SYT1: variants seen among roughly 807,000 people sequenced by gnomAD.
SYT1 encodes the protein synaptotagmin-1.
Under a neutral mutation model 44.8 loss-of-function variants are expected in SYT1, and 8 were observed. That is an observed-to-expected ratio of 0.18 (90% confidence interval 0.10 to 0.32). SYT1 has a LOEUF of 0.32. Among genes scored for constraint, SYT1 ranks in the 10% least tolerant of loss-of-function variants. The pLI, the probability that SYT1 is intolerant of heterozygous loss-of-function variation, is 1.00. For synonymous variants in SYT1, 154 were observed against 188.8 expected, an observed-to-expected ratio of 0.82 and a Z score of 1.51; for missense variants, 286 against 509.3, an observed-to-expected ratio of 0.56 and a Z score of 4.22.
chr12:79,030,715 C>T (rs1380057376), intron 2 of SYT1, among the ~76,000 whole-genome samples: 2 of 150,964 alleles, frequency 1.3e-5, no homozygotes, highest in Non-Finnish European at 3.0e-5. Context: ...ATATAATGAA[C>T]CAATATACAT....
intron 3 of SYT1, among the ~76,000 whole-genome samples, chr12:79,150,466 CT>C (rs1164770570): frequency 6.6e-6 from 1 of 152,092 alleles, no homozygotes; most frequent in Non-Finnish European, 1.5e-5. Context: ...GGTAGTGGGA[CT>C]TTGGTCAAAG....
Position 79,224,006 on chromosome 12 carries a change from A to AT in SYT1, c.166+6327dup, listed in dbSNP as rs1387774549. Among the ~76,000 whole-genome samples the AT allele has an allele frequency of 4.6e-5, 7 of 152,016 alleles. No individual in the cohort carries two copies. The East Asian group carries it at 1.4e-3, about 29-fold the overall frequency. On this transcript the variant is annotated intron_variant, in intron 4 of 10. Coordinates refer to ENST00000261205, the MANE Select transcript of SYT1 (RefSeq NM_005639.3). Reference sequence around the variant, plus strand: ...ACTGTCCTTCCTATCTCTTCAATGCATTTTTTCTTAGTATTATGCTACTAC... The same window carrying AT: ...ACTGTCCTTCCTATCTCTTCAATGCATTTTTTTCTTAGTATTATGCTACTAC...
chr12:78,920,320 A>G (rs1876907858), intron 1 of SYT1, among the ~76,000 whole-genome samples: 1 of 152,018 alleles, frequency 6.6e-6, no homozygotes, highest in Non-Finnish European at 1.5e-5. Flanking sequence ...TATAGATATA[A>G]TACCTGTGAC....
At chr12:79,280,617 A>G (rs1056953186) in intron 4 of SYT1, among the ~76,000 whole-genome samples, 4 of 152,010 alleles carry the variant, frequency 2.6e-5, no homozygotes, top group Admixed American at 1.3e-4. Flanking sequence ...TATGACCAAG[A>G]CCCCAAAAGC....
intron 2 of SYT1, among the ~76,000 whole-genome samples, chr12:78,991,786 T>C (rs1870038890): frequency 6.6e-6 from 1 of 152,162 alleles, no homozygotes; most frequent in Non-Finnish European, 1.5e-5. Flanking sequence ...GTTTATAAAA[T>C]TGATAGTTGT....
intron 2 of SYT1, among the ~76,000 whole-genome samples, chr12:78,985,693 G>A (rs910324554): frequency 6.6e-6 from 1 of 151,812 alleles, no homozygotes; most frequent in Non-Finnish European, 1.5e-5. Flanking sequence ...GGTTAATTCT[G>A]AGTATAAATG....
At chr12:78,976,612 A>G (rs899460980) in intron 1 of SYT1, 2 of 152,232 alleles carry the variant, frequency 1.3e-5, no homozygotes, top group Admixed American at 6.5e-5. Context: ...GGAAAACTCA[A>G]ATCTTCAAAT....
chr12:78,978,199 T>C (rs1868985465), intron 2 of SYT1, among the ~76,000 whole-genome samples: 1 of 152,224 alleles, frequency 6.6e-6, no homozygotes, highest in Admixed American at 6.5e-5. Flanking sequence ...ACATGTTTGC[T>C]TTCTCCCACT....
intron 9 of SYT1, among the ~76,000 whole-genome samples, chr12:79,421,877 T>G (rs183215522): frequency 9.9e-5 from 15 of 152,266 alleles, no homozygotes; most frequent in Admixed American, 3.9e-4. Flanking sequence ...TTTCAATCTA[T>G]AAATGTGGTT....
intron 3 of SYT1, among the ~76,000 whole-genome samples, chr12:79,051,286 A>G (rs1565782501): frequency 6.6e-6 from 1 of 150,896 alleles, no homozygotes; most frequent in Non-Finnish European, 1.5e-5. Context: ...TAAAAGTTAT[A>G]TATCTCCACA....
chr12:78,898,338 A>G (rs1265716261), intron 1 of SYT1, among the ~76,000 whole-genome samples: 1 of 152,088 alleles, frequency 6.6e-6, no homozygotes, highest in Non-Finnish European at 1.5e-5. Context: ...ATACCATGCC[A>G]AAACTATTCT....
intron 3 of SYT1, among the ~76,000 whole-genome samples, chr12:79,081,538 C>G (rs761605170): frequency 3.1e-4 from 47 of 152,090 alleles, no homozygotes; most frequent in Non-Finnish European, 5.9e-4. Flanking sequence ...GCCACCATAC[C>G]CAGCTAATTT....
chr12:79,313,326 T>C (rs1426811995), intron 8 of SYT1, among the ~76,000 whole-genome samples: 1 of 152,220 alleles, frequency 6.6e-6, no homozygotes. Flanking sequence ...TTTTATAAAC[T>C]TATGCCGTGC....
At position 79,364,071 on chromosome 12, in the gene SYT1, A is replaced by C. The variant is rs143135255; in HGVS notation, c.928+10452A>C. 1.7e-3 allele frequency among the ~76,000 whole-genome samples: 259 copies of C among 152,312 alleles called. 1 individual carries two copies. Among genetic ancestry groups the C allele is most frequent in the African/African-American group, 5.7e-3 (238 of 41,584 alleles). ...CTTCCAAATGATCTGACTTAATTTC[A>C]TCACTTAATGCAATTATTTTGGCAT... On this transcript the variant is annotated intron_variant, in intron 9 of 10. Coordinates refer to ENST00000261205, the MANE Select transcript of SYT1 (RefSeq NM_005639.3).
chr12:79,066,994 T>C (rs902024403), intron 3 of SYT1, among the ~76,000 whole-genome samples: 2 of 152,210 alleles, frequency 1.3e-5, no homozygotes, highest in African/African-American at 4.8e-5. Context: ...AATGTTACTA[T>C]ACATTGCCTT....
chr12:79,392,367 T>C (rs1006136712), intron 9 of SYT1: 1 of 152,218 alleles, frequency 6.6e-6, no homozygotes, highest in Non-Finnish European at 1.5e-5. Flanking sequence ...ACAGATTTCA[T>C]AATTTGAAAT....
chr12:79,293,791 A>T (rs7304141), intron 6 of SYT1, among the ~76,000 whole-genome samples: 54,162 of 152,048 alleles, frequency 0.36, 9,949 homozygotes, highest in East Asian at 0.59. Flanking sequence ...GATCAGCTTC[A>T]TTATAGCCCT....
At chr12:79,098,115 T>G (rs767153516) in intron 3 of SYT1, among the ~76,000 whole-genome samples, 1 of 152,122 alleles carries the variant, frequency 6.6e-6, no homozygotes, top group South Asian at 2.1e-4. Context: ...TTTCACATTC[T>G]TCATTTCATT....
chr12:79,109,934 T>C (rs1237395297), intron 3 of SYT1, among the ~76,000 whole-genome samples: 1 of 152,200 alleles, frequency 6.6e-6, no homozygotes, highest in Non-Finnish European at 1.5e-5. Context: ...ATATTGCTAC[T>C]GCCAAAGAAT....
Sources: gnomAD v4.1 joint callset for allele counts (sites outside exome capture counted in the v4.1 genomes callset) on GRCh38, gnomAD v4.1.1 for gene constraint, MANE v1.5 for transcripts, NCBI Gene and HGNC (gene_info 2026-07-23, HGNC 2026-07-21) for gene names.